Variants in RGS7 observed in about 807,000 individuals in gnomAD.
RGS7 encodes the protein regulator of G-protein signaling 7.
RGS7 carries 27 observed loss-of-function variants against 81.1 expected under a neutral mutation model. The observed-to-expected ratio is 0.33, with a 90% CI of 0.25 to 0.46. The LOEUF is 0.46. Among genes scored for constraint, RGS7 ranks in the 20% least tolerant of loss-of-function variants. The pLI is 1.00. For missense variants in RGS7, 396 were observed against 607.4 expected (o/e 0.65, Z 3.66); for synonymous variants, 208 against 207.7 (o/e 1.00, Z -0.01).
At position 240,785,050 on chromosome 1, in the gene RGS7, C is replaced by T. The variant is rs181122729; in HGVS notation, c.*7-8837G>A. 5.4e-3 allele frequency among the ~76,000 whole-genome samples: 823 copies of T among 152,230 alleles called. 15 individuals are homozygous for T. Among genetic ancestry groups the T allele is most frequent in the Non-Finnish European group, 5.5e-3 (371 of 68,010 alleles). On this transcript the variant is annotated intron_variant, in intron 18 of 18. Transcript: ENST00000440928. The stretch of plus-strand genomic sequence containing the variant: ...CTCTCATGTTGAAAAATGCCTTTTC[C>T]ACTTATTGAACCAGGGATAGGCAGT...
intron 9 of RGS7, among the ~76,000 whole-genome samples, chr1:240,834,800 C>G (rs560088119): frequency 6.6e-6 from 1 of 152,058 alleles, no homozygotes; most frequent in Non-Finnish European, 1.5e-5. Context: ...CTTGAGCCAC[C>G]GCGCCCAGCC....
rs550825685 is a variant in RGS7 at position 241,270,759 on chromosome 1, C to A, written c.78+84940G>T. On this transcript the variant is annotated intron_variant, in intron 2 of 18. Coordinates refer to ENST00000440928, the MANE Select transcript of RGS7 (RefSeq NM_001364886.1). ...AGTGTTCATAGAAATAAACCCCCCC[C>A]CCTTTTTTTTTTTCTTGAGACGGAG... Among the ~76,000 whole-genome samples the A allele has an allele frequency of 7.3e-5, 11 of 149,812 alleles. No homozygotes were observed. In the East Asian group the frequency reaches 1.2e-3, roughly 16 times the overall value.
chr1:240,921,588 C>T (rs1673550332), intron 6 of RGS7, among the ~76,000 whole-genome samples: 1 of 151,690 alleles, frequency 6.6e-6, no homozygotes. Flanking sequence ...TTGCAGGGTA[C>T]AAAAAAAGTC....
chr1:240,818,815 G>A (rs529644298), intron 10 of RGS7, among the ~76,000 whole-genome samples: 1 of 152,230 alleles, frequency 6.6e-6, no homozygotes, highest in African/African-American at 2.4e-5. Flanking sequence ...CTTGGTCAAC[G>A]GGTACAAAGT....
intron 9 of RGS7, among the ~76,000 whole-genome samples, chr1:240,852,853 G>A (rs1294958071): frequency 1.3e-5 from 2 of 152,172 alleles, no homozygotes; most frequent in Non-Finnish European, 2.9e-5. Context: ...ATTCCTGGGG[G>A]TTTTGTGTTG....
chr1:241,089,188 T>C (rs573211605), intron 3 of RGS7, among the ~76,000 whole-genome samples: 1 of 146,740 alleles, frequency 6.8e-6, no homozygotes, highest in African/African-American at 2.6e-5. Context: ...AGAGCAGGGA[T>C]AAGTCTCCAT....
At chr1:241,190,061 C>T (rs2072507069) in intron 2 of RGS7, among the ~76,000 whole-genome samples, 1 of 152,012 alleles carries the variant, frequency 6.6e-6, no homozygotes, top group African/African-American at 2.4e-5. Flanking sequence ...CGAGATGGCG[C>T]CACTGCACTC....
chr1:241,177,746 A>G (rs951106475), intron 2 of RGS7, among the ~76,000 whole-genome samples: 1 of 152,184 alleles, frequency 6.6e-6, no homozygotes, highest in African/African-American at 2.4e-5. Flanking sequence ...CAAAGACAAC[A>G]AGACTTCCTA....
intron 4 of RGS7, among the ~76,000 whole-genome samples, chr1:240,957,055 G>T (rs1017817617): frequency 3.3e-5 from 5 of 152,166 alleles, no homozygotes; most frequent in Non-Finnish European, 7.4e-5. Context: ...TCCTGCGTGC[G>T]TCTGTGAGGG....
intron 4 of RGS7, among the ~76,000 whole-genome samples, chr1:240,942,001 A>T (rs1377513950): frequency 2.0e-5 from 3 of 151,926 alleles, no homozygotes; most frequent in Non-Finnish European, 2.9e-5. Flanking sequence ...ATTCCAGCTT[A>T]TTTTTTTGTT....
At chr1:241,261,554 GGGAGGT>G (rs1449942888) in intron 2 of RGS7, among the ~76,000 whole-genome samples, 1 of 151,256 alleles carries the variant, frequency 6.6e-6, no homozygotes, top group African/African-American at 2.4e-5. Flanking sequence ...ACTTGAACTC[GGGAGGT>G]GGAGGTTGCA....
chr1:240,994,979 A>G (rs1687053412), intron 3 of RGS7, among the ~76,000 whole-genome samples: 1 of 152,004 alleles, frequency 6.6e-6, no homozygotes, highest in Admixed American at 6.6e-5. Context: ...CCTGGCCTAA[A>G]GTTTTTGTAG....
intron 2 of RGS7, among the ~76,000 whole-genome samples, chr1:241,145,419 A>C (rs182786412): frequency 3.9e-5 from 6 of 152,350 alleles, no homozygotes; most frequent in African/African-American, 1.4e-4. Context: ...GGAAGTATTC[A>C]AGCCAGATTT....
At chr1:241,208,973 C>A (rs1308805143) in intron 2 of RGS7, among the ~76,000 whole-genome samples, 1 of 152,206 alleles carries the variant, frequency 6.6e-6, no homozygotes, top group Non-Finnish European at 1.5e-5. Flanking sequence ...AGAACAGGTG[C>A]TCCAGTGGAG....
intron 2 of RGS7, among the ~76,000 whole-genome samples, chr1:241,172,396 T>TA (rs1301746955): frequency 2.0e-5 from 3 of 152,208 alleles, no homozygotes; most frequent in African/African-American, 7.2e-5. Flanking sequence ...TTGAAATAAT[T>TA]ACAGTCACTC....
At chr1:240,944,272 GTGTGTGTGTGTATATATATATA>G (rs1380102942) in intron 4 of RGS7, among the ~76,000 whole-genome samples, 1,236 of 37,208 alleles carry the variant, frequency 0.033, 40 homozygotes, top group East Asian at 0.046. Flanking sequence ...GTGTGTGTGT[GTGTGTGTGTGTATATATATATA>G]TATATATATA....
intron 2 of RGS7, among the ~76,000 whole-genome samples, chr1:241,236,797 T>A (rs1220785375): frequency 6.6e-6 from 1 of 151,766 alleles, no homozygotes; most frequent in Admixed American, 6.6e-5. Context: ...AAGAAAACTT[T>A]CCATGGATCA....
At chr1:241,087,864 G>A (rs891455464) in intron 3 of RGS7, among the ~76,000 whole-genome samples, 2 of 151,300 alleles carry the variant, frequency 1.3e-5, no homozygotes, top group African/African-American at 2.4e-5. Context: ...CAGGAGAATC[G>A]CTTGAACCCA....
chr1:241,254,135 GC>G (rs2076951800), intron 2 of RGS7, among the ~76,000 whole-genome samples: 1 of 150,522 alleles, frequency 6.6e-6, no homozygotes, highest in Admixed American at 6.6e-5. Flanking sequence ...GGGAGGTGGG[GC>G]TTGCAGTGAG....
Sources: gnomAD v4.1 joint callset for allele counts (sites outside exome capture counted in the v4.1 genomes callset) on GRCh38, gnomAD v4.1.1 for gene constraint, MANE v1.5 for transcripts, NCBI Gene and HGNC (gene_info 2026-07-23, HGNC 2026-07-21) for gene names.